The following RELN variants were observed in gnomAD, a reference collection of about 807,000 sequenced individuals.
RELN encodes reelin.
RELN carries 108 observed loss-of-function variants against 427.6 expected under a neutral mutation model. The observed-to-expected ratio is 0.25, with a 90% CI of 0.22 to 0.30. The LOEUF is 0.30. RELN is among the 10% of genes least tolerant of loss of function. RELN has a pLI of 1.00. For synonymous variants in RELN, 1,524 were observed against 1,513.4 expected (o/e 1.01, Z -0.16); for missense variants, 3,715 against 4,302.8 (o/e 0.86, Z 3.82).
chr7:103,891,752 T>C (rs533378925), intron 2 of RELN, among the ~76,000 whole-genome samples: 3 of 152,314 alleles, frequency 2.0e-5, no homozygotes, highest in South Asian at 2.1e-4. Context: ...TTTTTTTCAA[T>C]AAAAATTGTA....
At chr7:103,478,932 A>AG (rs1314774682) in intron 63 of RELN, among the ~76,000 whole-genome samples, 1 of 152,212 alleles carries the variant, frequency 6.6e-6, no homozygotes, top group Non-Finnish European at 1.5e-5. Context: ...GAAGAGCATG[A>AG]GGGGATGGTC....
chr7:103,908,743 A>G (rs1451342493), intron 2 of RELN, among the ~76,000 whole-genome samples: 3 of 152,230 alleles, frequency 2.0e-5, no homozygotes. Flanking sequence ...TAAACTAGAT[A>G]AAACTAGTTC....
intron 61 of RELN, among the ~76,000 whole-genome samples, chr7:103,485,362 TACA>T (rs909429855): frequency 4.9e-4 from 74 of 151,708 alleles, no homozygotes; most frequent in African/African-American, 1.7e-3. Context: ...CTTGTGAAAA[TACA>T]ACACTAATAT....
At position 103,620,115 on chromosome 7, in the gene RELN, G is replaced by A. The variant is rs1832183695; in HGVS notation, c.2703-8312C>T. Among the ~76,000 whole-genome samples the A allele has an allele frequency of 6.6e-6, 1 of 152,122 alleles. No homozygotes were observed. The highest frequency in any genetic ancestry group is 2.1e-4 in the South Asian group (1 of 4,828). On this transcript the variant is annotated intron_variant, in intron 20 of 64. Coordinates refer to ENST00000428762, the MANE Select transcript of RELN (RefSeq NM_005045.4). The surrounding 1 kb of genome is among the most constrained non-coding windows in gnomAD (Gnocchi z 4.1). ...GGAGATAACTGAATGATGGGGATGG[G>A]TTCACCCATACTGTTCTCATGGTAG...
chr7:103,572,136 T>C, intron 31 of RELN, 48 bp downstream of exon 31: 2 of 1,076,168 alleles, frequency 1.9e-6, no homozygotes, highest in Non-Finnish European at 1.5e-6. Flanking sequence ...GATAAAGGAC[T>C]AATCTGCCAA....
At chr7:103,792,699 A>G (rs1029745752) in intron 3 of RELN, among the ~76,000 whole-genome samples, 3 of 152,120 alleles carry the variant, frequency 2.0e-5, no homozygotes, top group African/African-American at 7.2e-5. Context: ...TAAAATTTTT[A>G]TAATTGTGAA....
intron 51 of RELN, among the ~76,000 whole-genome samples, chr7:103,506,747 T>C (rs1829227121): frequency 6.6e-6 from 1 of 152,156 alleles, no homozygotes; most frequent in African/African-American, 2.4e-5. Context: ...AATGCCCCAA[T>C]TAAAAGACAC....
chr7:103,716,981 C>A (rs139922561), intron 8 of RELN, among the ~76,000 whole-genome samples: 4 of 152,148 alleles, frequency 2.6e-5, no homozygotes, highest in African/African-American at 9.6e-5. Context: ...GTACAGTCCC[C>A]CCAAAATGTT....
At chr7:103,914,257 C>T (rs1018286731) in intron 2 of RELN, among the ~76,000 whole-genome samples, 16 of 152,012 alleles carry the variant, frequency 1.1e-4, no homozygotes, top group African/African-American at 3.6e-4. Context: ...AATGTGCTTA[C>T]AACACACTTA....
intron 11 of RELN, among the ~76,000 whole-genome samples, chr7:103,675,065 T>G (rs1326399333): frequency 1.3e-5 from 2 of 152,108 alleles, no homozygotes; most frequent in South Asian, 2.1e-4. Flanking sequence ...AGAAATAAAG[T>G]GTATTCAACT....
intron 4 of RELN, among the ~76,000 whole-genome samples, chr7:103,760,092 A>T (rs1791261315): frequency 7.1e-6 from 1 of 140,832 alleles, no homozygotes; most frequent in Non-Finnish European, 1.5e-5. Flanking sequence ...TCATACACGA[A>T]TGCTTTTCTT....
At chr7:103,822,459 CT>C (rs1793037836) in intron 3 of RELN, among the ~76,000 whole-genome samples, 1 of 151,890 alleles carries the variant, frequency 6.6e-6, no homozygotes, top group Admixed American at 6.6e-5. Flanking sequence ...TCCAGAGCAC[CT>C]AAGATACTGT....
chr7:103,882,829 C>T (rs527695697), intron 2 of RELN, among the ~76,000 whole-genome samples: 6 of 152,158 alleles, frequency 3.9e-5, no homozygotes, highest in African/African-American at 1.2e-4. Flanking sequence ...CAGGAGCAGA[C>T]GGATTCACAG....
In RELN at chr7:103,988,804, T is replaced by C. The variant is rs114500395; in HGVS notation, c.226+327A>G. Among the ~76,000 whole-genome samples the C allele has an allele frequency of 0.014, 2,108 of 152,134 alleles. 44 individuals are homozygous for C. The highest frequency in any genetic ancestry group is 0.048 in the African/African-American group (2,001 of 41,522). ...AAGTCCTAGGAGTAAAGAAACAAAA[T>C]GCGCAGGTTCAATTTAAAGTGCCTG... On this transcript the variant is annotated intron_variant, in intron 1 of 64. Coordinates refer to ENST00000428762, the MANE Select transcript of RELN (RefSeq NM_005045.4). This position sits in a 1 kb window ranked among gnomAD's most constrained non-coding sequence, Gnocchi z 4.9.
chr7:103,834,126 G>A (rs1793343629), intron 2 of RELN, among the ~76,000 whole-genome samples: 1 of 152,126 alleles, frequency 6.6e-6, no homozygotes. Context: ...GGTTTGCTTG[G>A]AAAACTCCCC....
At chr7:103,854,058 T>C (rs1222422712) in intron 2 of RELN, among the ~76,000 whole-genome samples, 8 of 152,184 alleles carry the variant, frequency 5.3e-5, no homozygotes, top group African/African-American at 1.7e-4. Context: ...ACAGTGTATA[T>C]ATGTATCGAA....
chr7:103,776,683 G>T (rs1791751188), intron 3 of RELN, 56 bp from the exon 4 acceptor site: 3 of 1,570,294 alleles, frequency 1.9e-6, no homozygotes, highest in African/African-American at 2.7e-5. Flanking sequence ...TGGTGAAAAT[G>T]TATGTTTAAA....
chr7:103,640,639 C>T lies in RELN; in HGVS notation c.2003-30G>A. On this transcript the variant is annotated intron_variant, in intron 16 of 64. Coordinates refer to ENST00000428762, the MANE Select transcript of RELN (RefSeq NM_005045.4). The surrounding 1 kb of genome is among the most constrained non-coding windows in gnomAD (Gnocchi z 4.1). ...GGGAGGGAAAAAGAGAACATAATTA[C>T]AAAAACATAGAACACTACCAGTACA... 1 of 1,609,154 alleles carries T rather than the reference C, an allele frequency of 6.2e-7. No homozygotes were observed. The highest frequency in any genetic ancestry group is 8.5e-7 in the Non-Finnish European group (1 of 1,176,306).
chr7:103,520,107 C>A (rs1393423404), intron 48 of RELN, among the ~76,000 whole-genome samples: 1 of 151,652 alleles, frequency 6.6e-6, no homozygotes, highest in African/African-American at 2.4e-5. Context: ...GTATCGCAGC[C>A]CAGGACACAT....
Sources: allele counts gnomAD v4.1 joint callset (sites outside exome capture counted in the v4.1 genomes callset), GRCh38; gene constraint gnomAD v4.1.1; non-coding constraint Gnocchi (gnomAD v3.1); transcripts MANE v1.5; gene names NCBI Gene and HGNC (gene_info 2026-07-23, HGNC 2026-07-21).